Variants in RAG1 observed in about 807,000 individuals in gnomAD.
RAG1 encodes V(D)J recombination-activating protein 1.
A neutral mutation model predicts 62.7 loss-of-function variants in RAG1; 35 were observed. The observed-to-expected ratio is 0.56, with a 90% CI of 0.43 to 0.74. The LOEUF (loss-of-function observed/expected upper bound fraction) is 0.74. Among genes scored for constraint, RAG1 ranks in the 30% least tolerant of loss-of-function variants. The pLI is 0.00. For synonymous variants in RAG1, 461 were observed against 470.3 expected (o/e 0.98, Z 0.26); for missense variants, 1,169 against 1,278.6 (o/e 0.91, Z 1.31).
At chr11:36,513,978 A>G (rs1859961541) in intron 1 of RAG1, among the ~76,000 whole-genome samples, 1 of 152,172 alleles carries the variant, frequency 6.6e-6, no homozygotes, top group African/African-American at 2.4e-5. Context: ...GAAATGACGG[A>G]ATGTGCCTCC....
chr11:36,543,388 G>A (rs898526467), intron 3 of RAG1, among the ~76,000 whole-genome samples: 1 of 152,184 alleles, frequency 6.6e-6, no homozygotes, highest in Non-Finnish European at 1.5e-5. Flanking sequence ...CGGCTTTACT[G>A]CCTCTGCTGC....
At chr11:36,549,621 G>A (rs1032998972) in intron 3 of RAG1, among the ~76,000 whole-genome samples, 1 of 152,204 alleles carries the variant, frequency 6.6e-6, no homozygotes, top group African/African-American at 2.4e-5. Flanking sequence ...AACAACAGAT[G>A]CTGGAGAGGA....
At chr11:36,559,590 T>C (rs1383573180) in intron 3 of RAG1, among the ~76,000 whole-genome samples, 1 of 152,152 alleles carries the variant, frequency 6.6e-6, no homozygotes, top group Non-Finnish European at 1.5e-5. Flanking sequence ...TTTGTCTGAT[T>C]GGGTTATTTC....
downstream of RAG1, among the ~76,000 whole-genome samples, chr11:36,538,685 A>T (rs146611750): frequency 5.9e-5 from 9 of 152,074 alleles, no homozygotes; most frequent in Admixed American, 5.2e-4. Flanking sequence ...CCTCTGGCTG[A>T]TTTCTTGGTT....
rs552467839 is a variant in RAG1 at position 36,570,469 on chromosome 11, G to A, written c.-15+2347G>A. Among the ~76,000 whole-genome samples the A allele has an allele frequency of 2.3e-4, 35 of 152,262 alleles. 1 individual carries two copies. The South Asian group carries it at 7.0e-3, about 31-fold the overall frequency. ...ATCACAAGTAAGGATAAAAAATAGT[G>A]CAGCAATAAACACAGGAGTGTAGAT... On this transcript the variant is annotated intron_variant, in intron 1 of 1. Transcript: ENST00000299440.
At chr11:36,546,280 T>C (rs1363744089) in intron 3 of RAG1, among the ~76,000 whole-genome samples, 1 of 152,220 alleles carries the variant, frequency 6.6e-6, no homozygotes, top group South Asian at 2.1e-4. Context: ...TGCATATATA[T>C]TTAGGATAGT....
chr11:36,514,992 G>A (rs1859976782), intron 1 of RAG1, among the ~76,000 whole-genome samples: 1 of 152,304 alleles, frequency 6.6e-6, no homozygotes, highest in East Asian at 1.9e-4. Flanking sequence ...AAGTCAGTGT[G>A]GTTGAGGCAG....
intron 1 of RAG1, among the ~76,000 whole-genome samples, chr11:36,511,815 G>T (rs934172472): frequency 6.6e-6 from 1 of 152,156 alleles, no homozygotes; most frequent in Non-Finnish European, 1.5e-5. Context: ...AAAAGGAAGA[G>T]CAAGAGAATC....
chr11:36,573,102 T>C (rs1770881495), intron 1 of RAG1, among the ~76,000 whole-genome samples, 189 bp from the exon 2 acceptor site: 1 of 152,134 alleles, frequency 6.6e-6, no homozygotes, highest in Admixed American at 6.5e-5. Context: ...TAAGTAACCA[T>C]AAACACTGTC....
intron 1 of RAG1, among the ~76,000 whole-genome samples, chr11:36,511,288 T>A (rs1859916904): frequency 2.0e-5 from 3 of 152,160 alleles, no homozygotes; most frequent in African/African-American, 7.2e-5. Context: ...ACCCCATCTT[T>A]ACACAAAATT....
chr11:36,515,575 C>T (rs567399879), intron 1 of RAG1: 1 of 152,570 alleles, frequency 6.6e-6, no homozygotes, highest in African/African-American at 2.4e-5. Context: ...ATTCCACCCT[C>T]TTCTCCATCC....
intron 3 of RAG1, among the ~76,000 whole-genome samples, chr11:36,543,522 T>C (rs1850346202): frequency 6.6e-6 from 1 of 152,192 alleles, no homozygotes. Context: ...GGTGGTTCTG[T>C]TGTGGCACTT....
At chr11:36,548,062 T>TGAC (rs1193918605) in intron 3 of RAG1, among the ~76,000 whole-genome samples, 8 of 151,804 alleles carry the variant, frequency 5.3e-5, no homozygotes. Context: ...AAGGCCTTCA[T>TGAC]AAAATTCAAC....
chr11:36,570,392 AAAAGTT>A (rs1850723144), intron 1 of RAG1, among the ~76,000 whole-genome samples: 1 of 152,190 alleles, frequency 6.6e-6, no homozygotes, highest in Non-Finnish European at 1.5e-5. Flanking sequence ...TCTAGTTCTT[AAAAGTT>A]CTATCTTCTA....
In RAG1 at chr11:36,574,452, A is replaced by G; in HGVS notation, c.1148A>G (p.Lys383Arg). 6.2e-7 allele frequency: 1 copy of G among 1,614,212 alleles called. No homozygotes were observed. Residue 383 changes from lysine (K) to arginine (R), a missense_variant, in exon 2 of 2, where the codon AAA becomes AGA. This residue lies in a region of RAG1 where 800 missense variants were observed against 943.3 expected (regional missense o/e 0.85). Coordinates refer to ENST00000299440, the MANE Select transcript of RAG1 (RefSeq NM_000448.3). ...CACATCTCAAGTCACAAGGAATCAAAAGAGATTTTTGTGCACATTAATAAA... is the reference window on the plus strand; with the variant it reads ...CACATCTCAAGTCACAAGGAATCAAGAGAGATTTTTGTGCACATTAATAAA... ...NHHISSHKES[K>R]EIFVHINKGG...
chr11:36,551,475 A>T (rs894455801), intron 3 of RAG1, among the ~76,000 whole-genome samples: 2 of 151,738 alleles, frequency 1.3e-5, no homozygotes, highest in Non-Finnish European at 2.9e-5. Context: ...GTAGATGGTC[A>T]TATTTTCTCT....
chr11:36,536,440 T>C (rs2133260245), downstream of RAG1, among the ~76,000 whole-genome samples: 1 of 152,206 alleles, frequency 6.6e-6, no homozygotes, highest in Non-Finnish European at 1.5e-5. Context: ...TTTATAGGTA[T>C]TAAAAGTCTA....
intron 2 of RAG1, among the ~76,000 whole-genome samples, chr11:36,521,257 C>T (rs1329071032): frequency 1.3e-5 from 2 of 152,100 alleles, no homozygotes; most frequent in Non-Finnish European, 2.9e-5. Flanking sequence ...CTGCGCCTGG[C>T]CCAAATCTCA....
chr11:36,529,843 T>C (rs1231148308), intron 2 of RAG1, among the ~76,000 whole-genome samples: 11 of 152,078 alleles, frequency 7.2e-5, no homozygotes, highest in Non-Finnish European at 2.9e-5. Flanking sequence ...ACAGAATGAA[T>C]TGGGAATGGT....
Sources: allele counts gnomAD v4.1 joint callset (sites outside exome capture counted in the v4.1 genomes callset), GRCh38; gene constraint gnomAD v4.1.1; regional missense constraint gnomAD v4.1.1; transcripts MANE v1.5; gene names NCBI Gene and HGNC (gene_info 2026-07-23, HGNC 2026-07-21).